Variants in NEIL2 observed in about 807,000 individuals in gnomAD.
NEIL2 encodes nei like DNA glycosylase 2.
A neutral mutation model predicts 22.2 loss-of-function variants in NEIL2; 23 were observed. The observed-to-expected ratio is 1.04, with a 90% confidence interval of 0.75 to 1.47. The LOEUF (loss-of-function observed/expected upper bound fraction) is 1.47, where lower values mean the gene tolerates loss of function less well. Among genes scored for constraint, NEIL2 ranks in the 40% most tolerant of loss-of-function variants. NEIL2 has a pLI of 0.00. For missense variants in NEIL2, 583 were observed against 404.7 expected (o/e 1.44, Z -3.78); for synonymous variants, 229 against 164.8 (o/e 1.39, Z -2.99).
chr8:11,785,926 CT>C, intron 4 of NEIL2, 36 bp from the exon 5 acceptor site: 1 of 1,597,344 alleles, frequency 6.3e-7, no homozygotes, highest in South Asian at 1.1e-5. Context: ...GCCATGTGTC[CT>C]TTGTCCTTCC....
At chr8:11,783,548 C>G in intron 4 of NEIL2, 149 bp downstream of exon 4, 2 of 717,030 alleles carry the variant, frequency 2.8e-6, no homozygotes, top group South Asian at 2.9e-5. Flanking sequence ...CTTTTACTTC[C>G]CTTGTTTTTA....
chr8:11,774,116 CTG>C (rs1025183073), intron 2 of NEIL2, among the ~76,000 whole-genome samples: 28 of 152,330 alleles, frequency 1.8e-4, no homozygotes, highest in African/African-American at 5.5e-4. Context: ...TGGCTCATGC[CTG>C]TAATCCCAGC....
intron 1 of NEIL2, among the ~76,000 whole-genome samples, chr8:11,770,769 G>A (rs1803367342): frequency 6.6e-6 from 1 of 152,116 alleles, no homozygotes; most frequent in Admixed American, 6.5e-5. Context: ...GATGATTTGG[G>A]GGCAGGGAGA....
intron 3 of NEIL2, among the ~76,000 whole-genome samples, chr8:11,782,430 A>G (rs1433839251): frequency 6.6e-6 from 1 of 152,190 alleles, no homozygotes; most frequent in Non-Finnish European, 1.5e-5. Flanking sequence ...CATCTCAAAA[A>G]AAACACATTA....
Position 11,771,455 on chromosome 8 carries a change from A to G in NEIL2, c.8A>G (p.Glu3Gly). The G allele has an allele frequency of 6.2e-7, 1 of 1,613,836 alleles. No individual in the cohort carries two copies. The change falls in exon 2 of 5, where the codon GAA becomes GGA. Residue 3 changes from glutamate (E) to glycine (G), a missense_variant. Glu to Gly is a moderately conservative substitution (Grantham distance 98, BLOSUM62 -2). Transcript: ENST00000284503. Reference protein sequence around the residue: MPEGPLVRKFHHL... With the variant: MPGGPLVRKFHHL... Reference sequence around the variant, plus strand: ...CCATTTCTGCCCACAGGGATGCCAGAAGGGCCGTTGGTGAGGAAATTTCAC... The same window carrying G: ...CCATTTCTGCCCACAGGGATGCCAGGAGGGCCGTTGGTGAGGAAATTTCAC...
In NEIL2 at chr8:11,786,509, A is replaced by G. The variant is rs560399705; in HGVS notation, c.*236A>G. On this transcript the variant is annotated 3_prime_UTR_variant, in exon 5 of 5. Coordinates refer to ENST00000284503, the MANE Select transcript of NEIL2 (RefSeq NM_145043.4). The stretch of plus-strand genomic sequence containing the variant: ...TCCTGTTGAATTGCACCATCGTGAA[A>G]GATGGGAAAAATCGTGATGATGGGT... 7.0e-6 allele frequency: 4 copies of G among 574,794 alleles called. No homozygotes were observed. The African/African-American group carries it at 7.5e-5, about 11-fold the overall frequency. The allele number at this position is 574,794 out of a possible 1,614,324, so 35.6% of individuals were successfully genotyped here.
chr8:11,776,943 A>T (rs936133779), intron 2 of NEIL2, among the ~76,000 whole-genome samples: 1 of 152,086 alleles, frequency 6.6e-6, no homozygotes, highest in African/African-American at 2.4e-5. Context: ...GAGTAGTGCT[A>T]ACAGCGCACG....
rs938517724 is a variant in NEIL2, at chr8:11,786,446, T to G, written c.*173T>G. The G allele has an allele frequency of 1.5e-6, 1 of 659,840 alleles. No individual in the cohort carries two copies. Among genetic ancestry groups the G allele is most frequent in the Admixed American group, 2.5e-5 (1 of 39,244 alleles). The allele number at this position is 659,840 out of a possible 1,614,324, so 40.9% of individuals were successfully genotyped here. A position where few individuals can be genotyped will look rare whatever the true frequency, so the allele number is the denominator to read the frequency against. On this transcript the variant is annotated 3_prime_UTR_variant, in exon 5 of 5. Coordinates refer to ENST00000284503, the MANE Select transcript of NEIL2 (RefSeq NM_145043.4). Reference sequence around the variant, plus strand: ...TGTTGAAGGCAGAGTTTTCATAGGGTTAGATTTTTTTTATCCTTTTCTAGT... The same window carrying G: ...TGTTGAAGGCAGAGTTTTCATAGGGGTAGATTTTTTTTATCCTTTTCTAGT...
At chr8:11,781,364 G>GT (rs796133691) in intron 3 of NEIL2, among the ~76,000 whole-genome samples, 30 of 152,276 alleles carry the variant, frequency 2.0e-4, no homozygotes, top group African/African-American at 6.7e-4. Context: ...CCACGCATTG[G>GT]TTTTCTCCTT....
Position 11,774,942 on chromosome 8 carries a change from G to T in NEIL2, c.138+3357G>T, listed in dbSNP as rs1011363366. Reference sequence around the variant, plus strand: ...GCCTCTGTGGCTTTGGTAGGGTACAGTCCGTCATCCTGGCTGCTTTCACAG... The same window carrying T: ...GCCTCTGTGGCTTTGGTAGGGTACATTCCGTCATCCTGGCTGCTTTCACAG... On this transcript the variant is annotated intron_variant, in intron 2 of 4. Transcript: ENST00000284503. 1.1e-4 allele frequency among the ~76,000 whole-genome samples: 17 copies of T among 152,368 alleles called. No individual in the cohort carries two copies. The East Asian group carries it at 3.1e-3, about 28-fold the overall frequency.
chr8:11,772,496 C>T (rs1315676519), intron 2 of NEIL2, among the ~76,000 whole-genome samples: 6 of 152,192 alleles, frequency 3.9e-5, no homozygotes, highest in Non-Finnish European at 7.3e-5. Context: ...TCCACTTGGC[C>T]ATTGCATCCT....
At chr8:11,782,823 T>TC in intron 3 of NEIL2, 1 of 349,192 alleles carries the variant, frequency 2.9e-6, no homozygotes, top group Non-Finnish European at 5.5e-6. Flanking sequence ...CCACAGAGTG[T>TC]GCTTGGACTA....
chr8:11,771,567 G>A lies in NEIL2; in HGVS notation c.120G>A (p.Leu40=), dbSNP rs771848980. ...KKLQPASLQS[L]WLQDTQVHGK... is the part of the protein sequence containing the mutation. ...TACAGCCCGCCAGCCTGCAGTCTCT[G>A]TGGCTCCAGGACACCCAGGTGAGGT... Residue 40 remains leucine, a synonymous_variant, in exon 2 of 5, where the codon CTG becomes CTA. Transcript: ENST00000284503. The A allele has an allele frequency of 6.2e-7, 1 of 1,614,050 alleles. No homozygotes were observed. The highest frequency in any genetic ancestry group is 8.5e-7 in the Non-Finnish European group (1 of 1,179,978).
At position 11,779,929 on chromosome 8, in the gene NEIL2, A is replaced by C. The variant is rs754246529; in HGVS notation, c.470A>C (p.Asp157Ala). 6.2e-7 allele frequency: 1 copy of C among 1,613,840 alleles called. No individual in the cohort carries two copies. Among genetic ancestry groups the C allele is most frequent in the Non-Finnish European group, 8.5e-7 (1 of 1,179,910 alleles). Residue 157 changes from aspartate to alanine, a missense_variant, in exon 3 of 5, where the codon GAC becomes GCC. Physicochemically the swap from Asp to Ala is moderately radical, Grantham distance 126. Transcript: ENST00000284503. ...SRAKKANKRG[D>A]WRDPSPRLVL... is the part of the protein sequence containing the mutation. ...GCCAAGAAAGCCAACAAGAGGGGGGACTGGAGGGACCCTTCCCCGAGGTAA... is the reference window on the plus strand; with the variant it reads ...GCCAAGAAAGCCAACAAGAGGGGGGCCTGGAGGGACCCTTCCCCGAGGTAA...
intron 2 of NEIL2, among the ~76,000 whole-genome samples, chr8:11,772,574 G>A (rs953392276): frequency 4.6e-5 from 7 of 152,172 alleles, no homozygotes; most frequent in East Asian, 3.9e-4. Context: ...AGGACATCAT[G>A]TACTTCCTCC....
At chr8:11,771,314 T>G in intron 1 of NEIL2, 132 bp from the exon 2 acceptor site, 1 of 1,120,756 alleles carries the variant, frequency 8.9e-7, no homozygotes, top group South Asian at 1.3e-5. Context: ...CCACACTCCC[T>G]TTTTGGCCAT....
chr8:11,776,750 G>A (rs1803936638), intron 2 of NEIL2, among the ~76,000 whole-genome samples: 3 of 152,134 alleles, frequency 2.0e-5, no homozygotes, highest in Admixed American at 1.3e-4. Flanking sequence ...CGATGGGTAG[G>A]TCCCCTGGGT....
chr8:11,785,326 G>C (rs562159881), intron 4 of NEIL2, among the ~76,000 whole-genome samples: 1 of 152,294 alleles, frequency 6.6e-6, no homozygotes, highest in South Asian at 2.1e-4. Flanking sequence ...CACCTGAGTA[G>C]CTGCGATTAC....
Position 11,778,781 on chromosome 8 carries a change from G to T in NEIL2, c.139-817G>T, listed in dbSNP as rs554502682. On this transcript the variant is annotated intron_variant, in intron 2 of 4. Transcript: ENST00000284503. ...AGCCTTGCTAACGTGGTGAGACGTG[G>T]TCTCTGCTAAATATACAAAAATTAG... is the stretch of plus-strand genomic sequence containing the variant. Among the ~76,000 whole-genome samples, 182 of 151,930 alleles carry T rather than the reference G, an allele frequency of 1.2e-3. 1 individual carries two copies. Among genetic ancestry groups the T allele is most frequent in the African/African-American group, 4.2e-3 (173 of 41,466 alleles).
Sources: gnomAD v4.1 joint callset for allele counts (sites outside exome capture counted in the v4.1 genomes callset) on GRCh38, gnomAD v4.1.1 for gene constraint, MANE v1.5 for transcripts, NCBI Gene and HGNC (gene_info 2026-07-23, HGNC 2026-07-21) for gene names.